The following CDC5L variants were observed in gnomAD, a reference collection of about 807,000 sequenced individuals.
CDC5L encodes cell division cycle 5-like protein.
A neutral mutation model predicts 104.1 loss-of-function variants in CDC5L; 18 were observed. The ratio of observed to expected loss-of-function variants is 0.17; its 90% CI spans 0.12 to 0.26. CDC5L has a LOEUF of 0.26. Ranked by LOEUF, CDC5L falls within the 10% of genes least tolerant of loss-of-function variation. The pLI is 1.00. For missense variants in CDC5L, 673 were observed against 956.9 expected, an observed-to-expected ratio of 0.70 and a Z score of 3.91; for synonymous variants, 331 against 322.7, an observed-to-expected ratio of 1.03 and a Z score of -0.28.
intron 5 of CDC5L, among the ~76,000 whole-genome samples, chr6:44,398,324 AC>A (rs1790964510): frequency 6.6e-6 from 1 of 152,154 alleles, no homozygotes; most frequent in Non-Finnish European, 1.5e-5. Flanking sequence ...GTTGTAGGGG[AC>A]CAAATTTTTA....
intron 14 of CDC5L, among the ~76,000 whole-genome samples, chr6:44,437,590 G>T (rs559035): frequency 0.28 from 42,950 of 152,028 alleles, 7,729 homozygotes; most frequent in East Asian, 0.74. Context: ...TGGCATTAAA[G>T]GAAAGCTAAC....
At chr6:44,418,039 C>G (rs544472401) in intron 8 of CDC5L, among the ~76,000 whole-genome samples, 2 of 152,240 alleles carry the variant, frequency 1.3e-5, no homozygotes, top group African/African-American at 4.8e-5. Flanking sequence ...TACATGTGCA[C>G]AATGTGCAGG....
chr6:44,440,285 A>G (rs1793121877), intron 14 of CDC5L, among the ~76,000 whole-genome samples: 1 of 144,698 alleles, frequency 6.9e-6, no homozygotes, highest in Admixed American at 7.2e-5. Flanking sequence ...TCTGTTGCTC[A>G]GGCTGGAGTG....
At chr6:44,413,915 G>T (rs1791780926) in intron 8 of CDC5L, among the ~76,000 whole-genome samples, 1 of 152,132 alleles carries the variant, frequency 6.6e-6, no homozygotes, top group East Asian at 1.9e-4. Flanking sequence ...AATGTGGAAG[G>T]GTTCTAATTC....
At chr6:44,439,467 G>A (rs1306239486) in intron 14 of CDC5L, among the ~76,000 whole-genome samples, 3 of 152,106 alleles carry the variant, frequency 2.0e-5, no homozygotes, top group African/African-American at 4.8e-5. Flanking sequence ...ATGTTCTAAC[G>A]CTATTTTTAC....
chr6:44,410,849 T>C lies in CDC5L; in HGVS notation c.1092+2217T>C, dbSNP rs1791591819. Among the ~76,000 whole-genome samples, 5 of 152,112 alleles carry C rather than the reference T, an allele frequency of 3.3e-5. No individual in the cohort carries two copies. The South Asian group carries it at 8.3e-4, about 25-fold the overall frequency. On this transcript the variant is annotated intron_variant, in intron 8 of 15. Coordinates refer to ENST00000371477, the MANE Select transcript of CDC5L (RefSeq NM_001253.4). ...GTTTTTCTCCCTTTCATTGATCTCT[T>C]TATGAACCTCCAGGTTTTCTATTAA...
intron 6 of CDC5L, among the ~76,000 whole-genome samples, chr6:44,404,293 C>A (rs541895192): frequency 4.0e-5 from 6 of 151,896 alleles, no homozygotes; most frequent in African/African-American, 1.4e-4. Context: ...TTCAGGTGCA[C>A]ACCACCACAC....
At chr6:44,419,967 A>T (rs1470873089) in intron 9 of CDC5L, among the ~76,000 whole-genome samples, 1 of 152,068 alleles carries the variant, frequency 6.6e-6, no homozygotes, top group African/African-American at 2.4e-5. Context: ...AAAGCTTCGG[A>T]TCCTATCACG....
Position 44,417,397 on chromosome 6 carries a change from G to A in CDC5L, c.1093-2052G>A, listed in dbSNP as rs1025704131. Reference sequence around the variant, plus strand: ...CACTGTGAGTGCGGTGGGAAGCTGCGTTATTTTTTCTAAACTAACCTGGGA... The same window carrying A: ...CACTGTGAGTGCGGTGGGAAGCTGCATTATTTTTTCTAAACTAACCTGGGA... On this transcript the variant is annotated intron_variant, in intron 8 of 15. Transcript: ENST00000371477. 2.2e-4 allele frequency among the ~76,000 whole-genome samples: 34 copies of A among 152,186 alleles called. 1 individual carries two copies. The highest frequency in any genetic ancestry group is 4.8e-4 in the African/African-American group (20 of 41,510).
rs769169839 is a variant in CDC5L at position 44,446,583 on chromosome 6, ATTAC to A, written c.2305-20_2305-17del. 1.5e-5 allele frequency: 18 copies of A among 1,183,518 alleles called. 1 individual carries two copies. Among genetic ancestry groups the A allele is most frequent in the Admixed American group, 1.1e-4 (5 of 44,478 alleles). 73.3% of individuals were successfully genotyped at this position (1,183,518 alleles called of 1,614,324 possible). ...TTTCAGTATAGTTACATCTAAAATAATTACTTAATTTTTTTTCTTTAAGTGTCTA... is the reference window on the plus strand; with the variant it reads ...TTTCAGTATAGTTACATCTAAAATAATTAATTTTTTTTCTTTAAGTGTCTA... On this transcript the variant is annotated intron_variant, in intron 15 of 15. Transcript: ENST00000371477.
chr6:44,403,500 G>GA (rs1306439167), intron 5 of CDC5L, among the ~76,000 whole-genome samples: 2 of 151,634 alleles, frequency 1.3e-5, no homozygotes, highest in East Asian at 1.9e-4. Context: ...GGATTAAAAG[G>GA]AAAAAAAAGC....
At position 44,415,265 on chromosome 6, in the gene CDC5L, G is replaced by A. The variant is rs528864213; in HGVS notation, c.1093-4184G>A. ...TAATGAGTGAATGTTAACTGGGAGC[G>A]TAGTAGTTATTTTGAAAAAGCACAA... On this transcript the variant is annotated intron_variant, in intron 8 of 15. Transcript: ENST00000371477. 1.1e-4 allele frequency among the ~76,000 whole-genome samples: 16 copies of A among 152,298 alleles called. No homozygotes were observed. In the South Asian group the frequency reaches 2.7e-3, roughly 26 times the overall value.
At chr6:44,430,573 A>C (rs1474587615) in intron 14 of CDC5L, among the ~76,000 whole-genome samples, 2 of 146,296 alleles carry the variant, frequency 1.4e-5, no homozygotes, top group Non-Finnish European at 3.0e-5. Flanking sequence ...TGCCTTGTGC[A>C]TTCTTTTTTT....
chr6:44,420,432 C>T (rs1269473617), intron 9 of CDC5L, among the ~76,000 whole-genome samples: 2 of 151,536 alleles, frequency 1.3e-5, no homozygotes, highest in Non-Finnish European at 2.9e-5. Context: ...GAACTCGGCT[C>T]ATCACAACCT....
At chr6:44,405,497 CCT>C (rs1791323513) in intron 6 of CDC5L, among the ~76,000 whole-genome samples, 3 of 152,140 alleles carry the variant, frequency 2.0e-5, no homozygotes, top group African/African-American at 7.2e-5. Flanking sequence ...CTTTAGGCTT[CCT>C]AACCATGTTT....
intron 5 of CDC5L, among the ~76,000 whole-genome samples, chr6:44,400,162 A>G (rs1174320827): frequency 6.6e-6 from 1 of 152,206 alleles, no homozygotes; most frequent in East Asian, 1.9e-4. Context: ...TTCTTGGAAC[A>G]TAATGGCTAC....
chr6:44,411,637 A>AGAGAGAGAGAGAGTGTGTGTGTGTGTGT, intron 8 of CDC5L, among the ~76,000 whole-genome samples: 8 of 123,700 alleles, frequency 6.5e-5, no homozygotes, highest in African/African-American at 3.0e-5. Context: ...AGAGAGAGAG[A>AGAGAGAGAGAGAGTGTGTGTGTGTGTGT]GTGTGTGTGT....
At chr6:44,422,029 GA>G (rs919496187) in intron 9 of CDC5L, among the ~76,000 whole-genome samples, 1 of 150,316 alleles carries the variant, frequency 6.7e-6, no homozygotes, top group Admixed American at 6.6e-5. Context: ...AGGCAACCAG[GA>G]AAAAAAAAGA....
rs1398318395 is a variant in CDC5L, at chr6:44,419,600, A to G, written c.1241+3A>G. 4 of 1,608,682 alleles carry G rather than the reference A, an allele frequency of 2.5e-6. No homozygotes were observed. The highest frequency in any genetic ancestry group is 3.4e-6 in the Non-Finnish European group (4 of 1,176,146). On this transcript the variant is annotated splice_donor_region_variant and intron_variant, in intron 9 of 15. Transcript: ENST00000371477. ...ACAGTTCTCTCTACTCCATTCAGGT[A>G]TTGTAAATGAACACGTTTTTATTTT...
Sources: allele counts gnomAD v4.1 joint callset (sites outside exome capture counted in the v4.1 genomes callset), GRCh38; gene constraint gnomAD v4.1.1; transcripts MANE v1.5; gene names NCBI Gene and HGNC (gene_info 2026-07-23, HGNC 2026-07-21).